The following TRIM71 variants were observed in gnomAD, a reference collection of about 807,000 sequenced individuals.
TRIM71 encodes tripartite motif containing 71, also known as E3 ubiquitin-protein ligase TRIM71.
TRIM71 carries 9 observed loss-of-function variants against 61.2 expected under a neutral mutation model. The observed-to-expected ratio is 0.15, with a 90% CI of 0.09 to 0.26. The LOEUF is 0.26. TRIM71 is among the 10% of genes least tolerant of loss of function. The pLI, the probability that TRIM71 is intolerant of heterozygous loss-of-function variation, is 1.00. For synonymous variants in TRIM71, 645 were observed against 553.2 expected, an observed-to-expected ratio of 1.17 and a Z score of -2.33; for missense variants, 998 against 1,238.7, an observed-to-expected ratio of 0.81 and a Z score of 2.92.
intron 2 of TRIM71, among the ~76,000 whole-genome samples, chr3:32,880,980 T>C (rs1046861138): frequency 1.3e-5 from 2 of 152,134 alleles, no homozygotes; most frequent in Admixed American, 6.5e-5. Context: ...AGATGAATTA[T>C]AGATTCAGAG....
chr3:32,833,412 T>A (rs1232567966), intron 1 of TRIM71, among the ~76,000 whole-genome samples: 2 of 151,924 alleles, frequency 1.3e-5, no homozygotes, highest in African/African-American at 2.4e-5. Flanking sequence ...AGACTTCACA[T>A]TGGGATAATA....
rs560304564 is a variant in TRIM71 at position 32,831,020 on chromosome 3, C to T, written c.852+12088C>T. On this transcript the variant is annotated intron_variant, in intron 1 of 3. Coordinates refer to ENST00000383763, the MANE Select transcript of TRIM71 (RefSeq NM_001039111.3). ...AGAGACTAGGTTTCACCATGTTGGC[C>T]AGGCTGGTCTCAGGTAATCCGCCTA... is the stretch of plus-strand genomic sequence containing the variant. Among the ~76,000 whole-genome samples, 20 of 152,202 alleles carry T rather than the reference C, an allele frequency of 1.3e-4. No homozygotes were observed. In the South Asian group the frequency reaches 3.7e-3, roughly 28 times the overall value.
intron 2 of TRIM71, among the ~76,000 whole-genome samples, chr3:32,881,996 A>G (rs965053615): frequency 2.0e-5 from 3 of 152,244 alleles, no homozygotes; most frequent in East Asian, 1.9e-4. Context: ...TGTTTGAAAA[A>G]TGGAAGAAGC....
At chr3:32,819,268 GCCTGCT>G (rs11278969) in intron 1 of TRIM71, among the ~76,000 whole-genome samples, 147,147 of 152,174 alleles carry the variant, frequency 0.97, 71,341 homozygotes, top group South Asian at 1. Context: ...TGTAGACGTG[GCCTGCT>G]CCTGCTCTTG....
At position 32,818,946 on chromosome 3, in the gene TRIM71, G is replaced by A. The variant is rs1326594778; in HGVS notation, c.852+14G>A. On this transcript the variant is annotated intron_variant, in intron 1 of 3. Coordinates refer to ENST00000383763, the MANE Select transcript of TRIM71 (RefSeq NM_001039111.3). ...CACGACGACGAGGTGAGTGCGTGGG[G>A]GCGTGTGTTTGTGTCCATCGGATAA... The A allele has an allele frequency of 1.9e-6, 3 of 1,609,794 alleles. No individual in the cohort carries two copies. The highest frequency in any genetic ancestry group is 2.5e-6 in the Non-Finnish European group (3 of 1,179,128).
intron 1 of TRIM71, among the ~76,000 whole-genome samples, chr3:32,847,041 T>TTTTTG (rs1313624616): frequency 6.6e-6 from 1 of 152,068 alleles, no homozygotes. Context: ...GGAAGTTCTG[T>TTTTTG]TTTTGTTTTG....
Position 32,818,631 on chromosome 3 carries a change from C to T in TRIM71, c.551C>T (p.Pro184Leu). ...PAPSRSAPGG[P>L]AASPSALLLR... ...CCTTCCCGCTCGGCACCCGGCGGCC[C>T]TGCCGCTTCCCCGTCGGCGCTGCTG... Residue 184 changes from proline (P) to leucine (L), a missense_variant, in exon 1 of 4, where the codon CCT becomes CTT. Coordinates refer to ENST00000383763, the MANE Select transcript of TRIM71 (RefSeq NM_001039111.3). 3 of 1,459,746 alleles carry T rather than the reference C, an allele frequency of 2.1e-6. No homozygotes were observed. The highest frequency in any genetic ancestry group is 1.3e-5 in the South Asian group (1 of 75,112). 90.4% of individuals were successfully genotyped at this position (1,459,746 alleles called of 1,614,324 possible). A position where few individuals can be genotyped will look rare whatever the true frequency, so the allele number is the denominator to read the frequency against.
chr3:32,827,061 G>A (rs890363493), intron 1 of TRIM71, among the ~76,000 whole-genome samples: 7 of 151,768 alleles, frequency 4.6e-5, no homozygotes, highest in African/African-American at 1.2e-4. Flanking sequence ...CACCGCGCCC[G>A]GGCTATGAGT....
At chr3:32,831,349 T>C (rs1696268642) in intron 1 of TRIM71, among the ~76,000 whole-genome samples, 1 of 152,098 alleles carries the variant, frequency 6.6e-6, no homozygotes, top group African/African-American at 2.4e-5. Flanking sequence ...TGGCTACATC[T>C]TCCAGACCTA....
intron 1 of TRIM71, among the ~76,000 whole-genome samples, chr3:32,834,901 A>G (rs1696316844): frequency 6.6e-6 from 1 of 152,214 alleles, no homozygotes; most frequent in South Asian, 2.1e-4. Context: ...TCTAGGGTCT[A>G]CTGCATAATC....
intron 2 of TRIM71, 69 bp downstream of exon 2, chr3:32,874,054 C>CA: frequency 6.7e-7 from 1 of 1,500,530 alleles, no homozygotes; most frequent in Non-Finnish European, 9.0e-7. Context: ...GTGGCATGGA[C>CA]AGACAATTGG....
chr3:32,892,067 C>A lies in TRIM71; in HGVS notation c.*256C>A. ...CTGTGAAGTGATAATTTCTATCTAC[C>A]TCATAAATCTTTACATTTCCTTCTG... On this transcript the variant is annotated 3_prime_UTR_variant, in exon 4 of 4. Transcript: ENST00000383763. 1 of 430,580 alleles carries A rather than the reference C, an allele frequency of 2.3e-6. No individual in the cohort carries two copies. Among genetic ancestry groups the A allele is most frequent in the Non-Finnish European group, 4.0e-6 (1 of 250,812 alleles). 26.7% of individuals were successfully genotyped at this position (430,580 alleles called of 1,614,324 possible).
Position 32,818,025 on chromosome 3 carries a change from CCTCCTCCTCCTCCTCTTCCTCTCTGGT to C in TRIM71, c.-48_-22del. 1 of 1,260,834 alleles carries C rather than the reference CCTCCTCCTCCTCCTCTTCCTCTCTGGT, an allele frequency of 7.9e-7. No homozygotes were observed. The highest frequency in any genetic ancestry group is 1.1e-6 in the Non-Finnish European group (1 of 899,734). 78.1% of individuals were successfully genotyped at this position (1,260,834 alleles called of 1,614,324 possible). ...CCCCCACCCACCTCGTCCGCTCTCT[CCTCCTCCTCCTCCTCTTCCTCTCTGGT>C]CTCCTCCCTCCTCCGGGCTGGGTTG... On this transcript the variant is annotated 5_prime_UTR_variant, in exon 1 of 4. Transcript: ENST00000383763.
chr3:32,893,568 C>A lies in TRIM71; in HGVS notation c.*1757C>A, dbSNP rs1343717230. 1 of 152,226 alleles carries A rather than the reference C, an allele frequency of 6.6e-6. No homozygotes were observed. The highest frequency in any genetic ancestry group is 1.9e-4 in the East Asian group (1 of 5,194). The allele number at this position is 152,226 out of a possible 1,614,324, so 9.4% of individuals were successfully genotyped here. On this transcript the variant is annotated 3_prime_UTR_variant, in exon 4 of 4. Coordinates refer to ENST00000383763, the MANE Select transcript of TRIM71 (RefSeq NM_001039111.3). ...CTCTCAAACAAACGTCAGTGACTTA[C>A]AAGGGAGACCTCTTGTTTAAAGACT...
intron 1 of TRIM71, among the ~76,000 whole-genome samples, chr3:32,841,618 A>T (rs571819450): frequency 6.6e-6 from 1 of 152,042 alleles, no homozygotes; most frequent in African/African-American, 2.4e-5. Context: ...CCCACCGCCA[A>T]CCCCCACCCC....
chr3:32,861,913 C>T lies in TRIM71; in HGVS notation c.853-11905C>T, dbSNP rs149601466. The stretch of plus-strand genomic sequence containing the variant: ...GAGCCTCGGCAATCCCAGTGCAGCA[C>T]GGGTACTTCTTGGCATTCAGAGAAT... On this transcript the variant is annotated intron_variant, in intron 1 of 3. Coordinates refer to ENST00000383763, the MANE Select transcript of TRIM71 (RefSeq NM_001039111.3). Among the ~76,000 whole-genome samples, 872 of 152,330 alleles carry T rather than the reference C, an allele frequency of 5.7e-3. 6 individuals carry two copies. The highest frequency in any genetic ancestry group is 0.019 in the African/African-American group (806 of 41,560).
Position 32,890,295 on chromosome 3 carries a change from T to C in TRIM71, c.1156-65T>C, listed in dbSNP as rs1559552021. Reference sequence around the variant, plus strand: ...CTTCCTTGTGATTAGTTGTGGCTTATGTGGTATTTTCTGTGCTTGGCTCTA... The same window carrying C: ...CTTCCTTGTGATTAGTTGTGGCTTACGTGGTATTTTCTGTGCTTGGCTCTA... On this transcript the variant is annotated intron_variant, in intron 3 of 3. Coordinates refer to ENST00000383763, the MANE Select transcript of TRIM71 (RefSeq NM_001039111.3). This position sits in a 1 kb window ranked among gnomAD's most constrained non-coding sequence, Gnocchi z 6.2. The C allele has an allele frequency of 1.3e-6, 2 of 1,544,418 alleles. No individual in the cohort carries two copies. The highest frequency in any genetic ancestry group is 1.8e-6 in the Non-Finnish European group (2 of 1,140,058).
chr3:32,853,352 C>T (rs1490087069), intron 1 of TRIM71, among the ~76,000 whole-genome samples: 2 of 151,950 alleles, frequency 1.3e-5, no homozygotes, highest in African/African-American at 2.4e-5. Context: ...CTCCTGACCT[C>T]GTGATCCGCC....
intron 1 of TRIM71, among the ~76,000 whole-genome samples, chr3:32,869,424 T>A (rs570732376): frequency 6.6e-6 from 1 of 152,352 alleles, no homozygotes; most frequent in African/African-American, 2.4e-5. Flanking sequence ...TCTTCACTGA[T>A]AGGGGTAGTT....
Sources: allele counts gnomAD v4.1 joint callset (sites outside exome capture counted in the v4.1 genomes callset), GRCh38; gene constraint gnomAD v4.1.1; non-coding constraint Gnocchi (gnomAD v3.1); transcripts MANE v1.5; gene names NCBI Gene and HGNC (gene_info 2026-07-23, HGNC 2026-07-21).